Variants in PTPN2 observed in about 807,000 individuals in gnomAD.
PTPN2 encodes protein tyrosine phosphatase non-receptor type 2.
PTPN2 carries 19 observed loss-of-function variants against 57.3 expected under a neutral mutation model. The observed-to-expected ratio is 0.33, with a 90% CI of 0.23 to 0.49. The LOEUF (loss-of-function observed/expected upper bound fraction) is 0.49, where lower values mean the gene tolerates loss of function less well. PTPN2 is among the 20% of genes least tolerant of loss of function. The pLI, the probability that PTPN2 is intolerant of heterozygous loss-of-function variation, is 0.99. For missense variants in PTPN2, 358 were observed against 501.1 expected (o/e 0.71, Z 2.73); for synonymous variants, 153 against 164.9 (o/e 0.93, Z 0.55).
chr18:12,841,073 A>G, intron 2 of PTPN2: 1 of 1,137,892 alleles, frequency 8.8e-7, no homozygotes, highest in Non-Finnish European at 1.2e-6. Context: ...AAGAAATTAT[A>G]TTAAGCCGTG....
At chr18:12,821,659 T>C (rs1476571696) in intron 5 of PTPN2, among the ~76,000 whole-genome samples, 1 of 152,214 alleles carries the variant, frequency 6.6e-6, no homozygotes, top group Non-Finnish European at 1.5e-5. Context: ...GAAAGCAATA[T>C]GCAAAGGCAT....
At chr18:12,873,319 A>G (rs113404634) in intron 1 of PTPN2, among the ~76,000 whole-genome samples, 26,904 of 150,002 alleles carry the variant, frequency 0.18, 5,404 homozygotes, top group African/African-American at 0.5. Context: ...CTCTTTCCAC[A>G]GTCTCCCTCT....
intron 7 of PTPN2, among the ~76,000 whole-genome samples, chr18:12,804,847 G>A (rs76696964): frequency 0.037 from 5,606 of 151,962 alleles, 121 homozygotes; most frequent in East Asian, 0.043. Context: ...AACTGAAGAG[G>A]GAAATCTTCC....
intron 7 of PTPN2, among the ~76,000 whole-genome samples, chr18:12,805,126 G>C (rs982875567): frequency 6.6e-6 from 1 of 152,152 alleles, no homozygotes; most frequent in South Asian, 2.1e-4. Flanking sequence ...AGAACCATAT[G>C]ATCATTTCAA....
chr18:12,830,840 A>T, intron 4 of PTPN2, 103 bp downstream of exon 4: 1 of 868,234 alleles, frequency 1.2e-6, no homozygotes, highest in Non-Finnish European at 1.8e-6. Context: ...TTTAGCAATT[A>T]AAGGCCAAAA....
At chr18:12,880,073 C>CA (rs1481673450) in intron 1 of PTPN2, among the ~76,000 whole-genome samples, 1 of 152,172 alleles carries the variant, frequency 6.6e-6, no homozygotes, top group African/African-American at 2.4e-5. Context: ...AAGAAGTACG[C>CA]AACAGGGGCT....
downstream of PTPN2, among the ~76,000 whole-genome samples, chr18:12,791,313 A>C (rs947938511): frequency 6.6e-6 from 1 of 152,204 alleles, no homozygotes; most frequent in Non-Finnish European, 1.5e-5. Context: ...AATAAAAGAA[A>C]CATTTTTTTT....
intron 8 of PTPN2, among the ~76,000 whole-genome samples, chr18:12,795,328 C>T (rs1298891817): frequency 2.0e-5 from 3 of 152,150 alleles, no homozygotes; most frequent in Non-Finnish European, 4.4e-5. Flanking sequence ...GAGTCTTGTT[C>T]TGTTGCCCAG....
chr18:12,847,557 C>T (rs1234112098), intron 2 of PTPN2, among the ~76,000 whole-genome samples: 2 of 151,950 alleles, frequency 1.3e-5, no homozygotes, highest in African/African-American at 2.4e-5. Context: ...ATCAATAGCC[C>T]GCAGGAATAA....
intron 1 of PTPN2, among the ~76,000 whole-genome samples, chr18:12,866,448 A>AAAACG (rs1222270000): frequency 2.7e-5 from 3 of 112,730 alleles, no homozygotes; most frequent in African/African-American, 1.9e-4. Context: ...AAAACAAAAC[A>AAAACG]AAACAAAACA....
chr18:12,823,057 G>GGGCTATCTGATTCTAGAGT (rs2042326416), intron 5 of PTPN2, among the ~76,000 whole-genome samples: 1 of 151,984 alleles, frequency 6.6e-6, no homozygotes, highest in Non-Finnish European at 1.5e-5. Flanking sequence ...GATTCTAGAG[G>GGGCTATCTGATTCTAGAGT]TTATCTACTT....
intron 5 of PTPN2, among the ~76,000 whole-genome samples, chr18:12,821,103 G>A (rs565429080): frequency 6.6e-6 from 1 of 152,084 alleles, no homozygotes; most frequent in South Asian, 2.1e-4. Flanking sequence ...TATGACCCCA[G>A]GCCCAATTAC....
At chr18:12,825,682 G>GT in intron 5 of PTPN2, 128 bp downstream of exon 5, 2 of 786,900 alleles carry the variant, frequency 2.5e-6, no homozygotes, top group Non-Finnish European at 3.7e-6. Context: ...CTAAAAACAC[G>GT]TGATTATGGC....
At position 12,793,856 on chromosome 18, in the gene PTPN2, T is replaced by G; in HGVS notation, c.*422A>C. ...AATAGTACATTATACATTACACACA[T>G]TATTTAAATGTCATTTTCTTTCCAA... is the stretch of plus-strand genomic sequence containing the variant. On this transcript the variant is annotated 3_prime_UTR_variant, in exon 9 of 9. Coordinates refer to ENST00000309660, the MANE Select transcript of PTPN2 (RefSeq NM_002828.4). 9.8e-7 allele frequency: 1 copy of G among 1,024,978 alleles called. No individual in the cohort carries two copies. Among genetic ancestry groups the G allele is most frequent in the East Asian group, 8.1e-5 (1 of 12,394 alleles). The allele number at this position is 1,024,978 out of a possible 1,614,324, so 63.5% of individuals were successfully genotyped here.
chr18:12,786,483 C>T (rs1396702044), intron 9 of PTPN2: 2 of 151,920 alleles, frequency 1.3e-5, no homozygotes, highest in Admixed American at 6.6e-5. Flanking sequence ...TATTTTAATG[C>T]CATAAAGTAA....
intron 8 of PTPN2, 68 bp from the exon 9 acceptor site, chr18:12,794,553 G>A: frequency 6.5e-7 from 1 of 1,548,822 alleles, no homozygotes; most frequent in Non-Finnish European, 8.7e-7. Context: ...CTAACACAGA[G>A]GACCTAGGCG....
rs111684748 is a variant in PTPN2 at position 12,836,620 on chromosome 18, A to G, written c.261+171T>C. 9.6e-4 allele frequency among the ~76,000 whole-genome samples: 146 copies of G among 152,364 alleles called. 1 individual carries two copies. The highest frequency in any genetic ancestry group is 1.6e-3 in the Non-Finnish European group (112 of 68,030). ...AAATAACTTGCCTTTTATCTTAAAT[A>G]CTCAAAGCTTCAAAACCTTATAATG... is the stretch of plus-strand genomic sequence containing the variant. On this transcript the variant is annotated intron_variant, in intron 3 of 8. Coordinates refer to ENST00000309660, the MANE Select transcript of PTPN2 (RefSeq NM_002828.4).
intron 8 of PTPN2, among the ~76,000 whole-genome samples, chr18:12,798,643 T>C (rs532245603): frequency 2.7e-3 from 408 of 152,364 alleles, no homozygotes; most frequent in African/African-American, 8.8e-3. Flanking sequence ...ATTTTCTTTA[T>C]GCAGTCTATC....
intron 3 of PTPN2, among the ~76,000 whole-genome samples, chr18:12,835,200 C>A (rs1352521972): frequency 1.3e-5 from 2 of 151,812 alleles, no homozygotes; most frequent in Non-Finnish European, 2.9e-5. Context: ...AATACAAATG[C>A]ACATAAAAAA....
Sources: gnomAD v4.1 joint callset for allele counts (sites outside exome capture counted in the v4.1 genomes callset) on GRCh38, gnomAD v4.1.1 for gene constraint, MANE v1.5 for transcripts, NCBI Gene and HGNC (gene_info 2026-07-23, HGNC 2026-07-21) for gene names.